Variants in DNAH5 observed in about 807,000 individuals in gnomAD.
DNAH5 encodes axonemal beta dynein heavy chain 5.
DNAH5 carries 372 observed loss-of-function variants against 518.2 expected under a neutral mutation model. The observed-to-expected ratio is 0.72, with a 90% CI of 0.66 to 0.78. The LOEUF (loss-of-function observed/expected upper bound fraction) is 0.78, where lower values mean the gene tolerates loss of function less well. Ranked by LOEUF, DNAH5 falls within the 30% of genes least tolerant of loss-of-function variation. The pLI, the probability that DNAH5 is intolerant of heterozygous loss-of-function variation, is 0.00. For synonymous variants in DNAH5, 2,039 were observed against 2,025.9 expected, an observed-to-expected ratio of 1.01 and a Z score of -0.17; for missense variants, 5,523 against 5,687.0, an observed-to-expected ratio of 0.97 and a Z score of 0.93.
At chr5:13,772,492 G>C (rs755032699) in intron 55 of DNAH5, among the ~76,000 whole-genome samples, 1 of 152,168 alleles carries the variant, frequency 6.6e-6, no homozygotes, top group East Asian at 1.9e-4. Context: ...AGAGTGACCC[G>C]TGCCTGCTGA....
intron 47 of DNAH5, among the ~76,000 whole-genome samples, chr5:13,798,842 C>T (rs970701818): frequency 6.6e-6 from 1 of 151,492 alleles, no homozygotes; most frequent in African/African-American, 2.4e-5. Context: ...TGTTGGCTAA[C>T]TGCAGCCTTT....
chr5:13,828,188 G>A lies in DNAH5; in HGVS notation c.6444+1322C>T, dbSNP rs78379296. 1.8e-3 allele frequency among the ~76,000 whole-genome samples: 279 copies of A among 152,312 alleles called. 5 individuals carry two copies. In the East Asian group the frequency reaches 0.049, roughly 27 times the overall value. On this transcript the variant is annotated intron_variant, in intron 38 of 78. Transcript: ENST00000265104. ...TCAATGGCCAGAGCCAGAAGAGTCTGTGTGTGTCTGAACACTCATAGGAAA... is the reference window on the plus strand; with the variant it reads ...TCAATGGCCAGAGCCAGAAGAGTCTATGTGTGTCTGAACACTCATAGGAAA...
chr5:13,856,085 A>C (rs1767591116), intron 30 of DNAH5, among the ~76,000 whole-genome samples: 1 of 152,202 alleles, frequency 6.6e-6, no homozygotes, highest in Non-Finnish European at 1.5e-5. Context: ...CAATTAAAAG[A>C]ACTAGAGAAT....
chr5:13,733,818 C>T (rs562746129), intron 68 of DNAH5, among the ~76,000 whole-genome samples: 1 of 152,220 alleles, frequency 6.6e-6, no homozygotes. Context: ...TACATTCCTT[C>T]CCTACTGTTC....
intron 1 of DNAH5, among the ~76,000 whole-genome samples, chr5:13,992,395 G>A (rs1022401263): frequency 1.3e-5 from 2 of 152,172 alleles, no homozygotes; most frequent in Non-Finnish European, 2.9e-5. Flanking sequence ...AGGAAGGAAA[G>A]CCCATGAGCT....
At chr5:13,829,391 TCA>T (rs1763332115) in intron 38 of DNAH5, 117 bp downstream of exon 38, 1 of 944,390 alleles carries the variant, frequency 1.1e-6, no homozygotes, top group South Asian at 1.4e-5. Flanking sequence ...ACCTTTCTAC[TCA>T]GTGTCAATAA....
At chr5:13,768,871 A>C in intron 58 of DNAH5, 89 bp downstream of exon 58, 2 of 1,407,730 alleles carry the variant, frequency 1.4e-6, no homozygotes, top group Non-Finnish European at 2.0e-6. Context: ...CTGAACCAGT[A>C]GAGCATTTCC....
At position 13,724,792 on chromosome 5, in the gene DNAH5, C is replaced by T. The variant is rs151310103; in HGVS notation, c.12033+2715G>A. Among the ~76,000 whole-genome samples, 51 of 152,266 alleles carry T rather than the reference C, an allele frequency of 3.3e-4. No individual in the cohort carries two copies. In the East Asian group the frequency reaches 6.9e-3, roughly 21 times the overall value. On this transcript the variant is annotated intron_variant, in intron 70 of 78. Transcript: ENST00000265104. ...TCCCCCACTCTCTTGCTCTGGCTCTCGCCATATGACATGCCAGCTCCTCCT... is the reference window on the plus strand; with the variant it reads ...TCCCCCACTCTCTTGCTCTGGCTCTTGCCATATGACATGCCAGCTCCTCCT...
intron 1 of DNAH5, among the ~76,000 whole-genome samples, chr5:13,989,957 G>C (rs1254059172): frequency 6.6e-6 from 1 of 152,052 alleles, no homozygotes; most frequent in Non-Finnish European, 1.5e-5. Context: ...GTTCACAACA[G>C]GGCTGCGAAG....
At position 13,786,364 on chromosome 5, in the gene DNAH5, A is replaced by G. The variant is rs774408275; in HGVS notation, c.8648-13T>C. On this transcript the variant is annotated splice_polypyrimidine_tract_variant and intron_variant, in intron 51 of 78. Transcript: ENST00000265104. ...TCAGATGTTTCACCTTTGGTGGGAAATAAGAATCAGTTAAGTTTCTGCAAA... is the reference window on the plus strand; with the variant it reads ...TCAGATGTTTCACCTTTGGTGGGAAGTAAGAATCAGTTAAGTTTCTGCAAA... 1 of 1,613,604 alleles carries G rather than the reference A, an allele frequency of 6.2e-7. No individual in the cohort carries two copies. Among genetic ancestry groups the G allele is most frequent in the African/African-American group, 1.3e-5 (1 of 74,926 alleles).
In DNAH5 at chr5:13,754,242, G is replaced by T. The variant is rs753009211; in HGVS notation, c.10516C>A (p.Gln3506Lys). Residue 3506 changes from glutamine to lysine, a missense_variant, in exon 62 of 79, where the codon CAA becomes AAA. By Grantham distance (53) the Gln-to-Lys change is moderately conservative (BLOSUM62 1). Coordinates refer to ENST00000265104, the MANE Select transcript of DNAH5 (RefSeq NM_001369.3). The part of the protein sequence containing the change: ...LAGEKERWTE[Q>K]SQEFAAQTKR... Reference sequence around the variant, plus strand: ...GTTTGTGCAGCAAACTCTTGGCTTTGCTCTGTCCATCTTTCTTTTTCACCT... The same window carrying T: ...GTTTGTGCAGCAAACTCTTGGCTTTTCTCTGTCCATCTTTCTTTTTCACCT... 9 of 1,614,036 alleles carry T rather than the reference G, an allele frequency of 5.6e-6. No homozygotes were observed. Among genetic ancestry groups the T allele is most frequent in the Non-Finnish European group, 7.6e-6 (9 of 1,179,964 alleles).
Position 13,788,833 on chromosome 5 carries a change from C to G in DNAH5, c.8530G>C (p.Asp2844His). Residue 2844 changes from aspartate (D) to histidine (H), a missense_variant, in exon 51 of 79, where the codon GAT becomes CAT. By Grantham distance (81) the Asp-to-His change is moderately conservative. Around this residue, in one of 3 missense-constraint regions of DNAH5, gnomAD observed 5,121 missense variants for 5,223.3 expected, o/e 0.98. Transcript: ENST00000265104. Reference protein sequence around the residue: ...FTVSSDVTWFDKALVSLVEEE... With the variant: ...FTVSSDVTWFHKALVSLVEEE... ...TCTACCAAACTTACTAAAGCCTTAT[C>G]AAACCAGGTCACATCACTGGACACT... The G allele has an allele frequency of 1.2e-6, 2 of 1,614,154 alleles. No homozygotes were observed. Among genetic ancestry groups the G allele is most frequent in the Non-Finnish European group, 1.7e-6 (2 of 1,180,020 alleles).
At chr5:13,997,721 A>C (rs555045600) in intron 1 of DNAH5, among the ~76,000 whole-genome samples, 77 of 152,262 alleles carry the variant, frequency 5.1e-4, no homozygotes, top group Non-Finnish European at 1.0e-3. Flanking sequence ...CCACATTTTC[A>C]GGTATTTGTT....
At chr5:13,713,516 A>G (rs1342651485) in intron 75 of DNAH5, among the ~76,000 whole-genome samples, 1 of 147,166 alleles carries the variant, frequency 6.8e-6, no homozygotes, top group Non-Finnish European at 1.5e-5. Context: ...TCAGCCATAA[A>G]AAGGAATGAA....
chr5:13,830,748 C>G lies in DNAH5; in HGVS notation c.5910G>C (p.Leu1970=). Residue 1970 remains leucine (L), a synonymous_variant, in exon 36 of 79, where the codon CTG becomes CTC. Coordinates refer to ENST00000265104, the MANE Select transcript of DNAH5 (RefSeq NM_001369.3). ...CAGGGGCTCCCCCCATGCTCATTCC[C>G]AGAGCTTGAGCCAGCGTGATGTAAC... The part of the protein sequence containing the change: ...DRCYITLAQA[L]GMSMGGAPAG... The G allele has an allele frequency of 1.9e-6, 3 of 1,614,156 alleles. No homozygotes were observed. Among genetic ancestry groups the G allele is most frequent in the Non-Finnish European group, 2.5e-6 (3 of 1,180,028 alleles).
intron 59 of DNAH5, among the ~76,000 whole-genome samples, chr5:13,764,386 A>G (rs1161425243): frequency 6.6e-6 from 1 of 152,212 alleles, no homozygotes; most frequent in African/African-American, 2.4e-5. Context: ...TATTTTACAT[A>G]TAAGGAAATT....
chr5:13,692,615 C>T (rs567349433), intron 78 of DNAH5, among the ~76,000 whole-genome samples: 8 of 152,280 alleles, frequency 5.3e-5, no homozygotes, highest in African/African-American at 1.2e-4. Context: ...TGCCTCCCCA[C>T]CCCCCAGCTA....
At chr5:13,956,867 C>A (rs1462741964) in intron 1 of DNAH5, among the ~76,000 whole-genome samples, 1 of 152,158 alleles carries the variant, frequency 6.6e-6, no homozygotes, top group Non-Finnish European at 1.5e-5. Context: ...CATCAACTTA[C>A]CATGGCTCAG....
chr5:13,896,980 T>C (rs56854114), intron 15 of DNAH5, among the ~76,000 whole-genome samples: 2,754 of 152,190 alleles, frequency 0.018, 95 homozygotes, highest in African/African-American at 0.063. Flanking sequence ...AGAGATTCTA[T>C]AAGAAAAAAT....
Sources: gnomAD v4.1 joint callset for allele counts (sites outside exome capture counted in the v4.1 genomes callset) on GRCh38, gnomAD v4.1.1 for gene constraint, gnomAD v4.1.1 regional missense constraint, MANE v1.5 for transcripts, NCBI Gene and HGNC (gene_info 2026-07-23, HGNC 2026-07-21) for gene names.